Variants in CFAP299 observed in about 807,000 individuals in gnomAD.
CFAP299 encodes the protein cilia and flagella associated protein 299.
In CFAP299, 21 loss-of-function variants were observed where a neutral mutation model predicts 27.0. The observed-to-expected ratio is 0.78, with a 90% confidence interval of 0.55 to 1.12. The LOEUF (loss-of-function observed/expected upper bound fraction) is 1.12, where lower values mean the gene tolerates loss of function less well. CFAP299 is among the 50% of genes most tolerant of loss of function. CFAP299 has a pLI of 0.00. For missense variants in CFAP299, 310 were observed against 276.6 expected, an observed-to-expected ratio of 1.12 and a Z score of -0.86; for synonymous variants, 104 against 98.1, an observed-to-expected ratio of 1.06 and a Z score of -0.36.
chr4:80,736,906 A>T (rs938085792), intron 3 of CFAP299, among the ~76,000 whole-genome samples: 3 of 152,164 alleles, frequency 2.0e-5, no homozygotes, highest in African/African-American at 7.2e-5. Context: ...AAGACTTGGA[A>T]CCAACCCAAA....
At chr4:80,597,082 C>A (rs1737094680) in intron 3 of CFAP299, among the ~76,000 whole-genome samples, 1 of 151,922 alleles carries the variant, frequency 6.6e-6, no homozygotes, top group Non-Finnish European at 1.5e-5. Flanking sequence ...TGGTTATATA[C>A]CTACAAGTAA....
intron 3 of CFAP299, among the ~76,000 whole-genome samples, chr4:80,609,687 T>G (rs1292605975): frequency 1.3e-5 from 2 of 152,062 alleles, no homozygotes; most frequent in Non-Finnish European, 2.9e-5. Flanking sequence ...TATTTTTTGT[T>G]TATTTAACAT....
intron 3 of CFAP299, among the ~76,000 whole-genome samples, chr4:80,674,410 T>TC (rs1465683562): frequency 1.3e-5 from 2 of 152,228 alleles, no homozygotes; most frequent in Non-Finnish European, 2.9e-5. Flanking sequence ...CTGATGGTCT[T>TC]CCCTTTGTGG....
At chr4:80,779,830 A>G (rs537030339) in intron 3 of CFAP299, among the ~76,000 whole-genome samples, 10 of 152,210 alleles carry the variant, frequency 6.6e-5, no homozygotes, top group Middle Eastern at 3.4e-3. Context: ...ACTTATTTGT[A>G]CATAAAATGA....
At chr4:80,927,314 A>G (rs1736355728) in intron 4 of CFAP299, among the ~76,000 whole-genome samples, 1 of 152,024 alleles carries the variant, frequency 6.6e-6, no homozygotes, top group Non-Finnish European at 1.5e-5. Flanking sequence ...TTCAATATTC[A>G]AAATAAATTC....
chr4:80,620,013 G>T (rs1287040041), intron 3 of CFAP299, among the ~76,000 whole-genome samples: 1 of 152,092 alleles, frequency 6.6e-6, no homozygotes, highest in East Asian at 1.9e-4. Flanking sequence ...AGACTAAAAT[G>T]ATGTAGAATT....
intron 2 of CFAP299, among the ~76,000 whole-genome samples, chr4:80,445,717 ATTTGT>A (rs753032855): frequency 6.6e-6 from 1 of 152,148 alleles, no homozygotes; most frequent in Non-Finnish European, 1.5e-5. Flanking sequence ...TAGTTTGCTT[ATTTGT>A]TTTGAGTCAT....
chr4:80,689,395 C>A (rs1406885620), intron 3 of CFAP299, among the ~76,000 whole-genome samples: 6 of 152,142 alleles, frequency 3.9e-5, no homozygotes, highest in Non-Finnish European at 8.8e-5. Flanking sequence ...ATTCAACATT[C>A]TCAAAGAAAA....
chr4:80,470,318 GA>G (rs1442247614), intron 2 of CFAP299, among the ~76,000 whole-genome samples: 1 of 151,894 alleles, frequency 6.6e-6, no homozygotes, highest in Non-Finnish European at 1.5e-5. Flanking sequence ...ATTATTTGTT[GA>G]AAAAAATATA....
At chr4:80,340,127 T>C (rs1000062318) in intron 1 of CFAP299, among the ~76,000 whole-genome samples, 1 of 152,184 alleles carries the variant, frequency 6.6e-6, no homozygotes, top group Non-Finnish European at 1.5e-5. Flanking sequence ...AACTGAAATA[T>C]CCAAGTTTTC....
chr4:80,721,691 G>T (rs1200886859), intron 3 of CFAP299, among the ~76,000 whole-genome samples: 1 of 152,028 alleles, frequency 6.6e-6, no homozygotes, highest in African/African-American at 2.4e-5. Flanking sequence ...GTGATAAATA[G>T]AAAATTTTAA....
chr4:80,774,443 C>A (rs72866744), intron 3 of CFAP299, among the ~76,000 whole-genome samples: 8,328 of 151,888 alleles, frequency 0.055, 510 homozygotes, highest in African/African-American at 0.15. Flanking sequence ...TTTTCTGCTA[C>A]TATAAAAAAT....
At chr4:80,479,207 T>G (rs1293595905) in intron 2 of CFAP299, among the ~76,000 whole-genome samples, 1 of 152,014 alleles carries the variant, frequency 6.6e-6, no homozygotes, top group Non-Finnish European at 1.5e-5. Context: ...AAGTTAAGGT[T>G]GCTAGTTTAC....
intron 1 of CFAP299, among the ~76,000 whole-genome samples, chr4:80,355,859 A>G (rs998751741): frequency 1.3e-5 from 2 of 151,860 alleles, no homozygotes; most frequent in Non-Finnish European, 2.9e-5. Context: ...TCATTTGTCA[A>G]TTTTTGCTTT....
chr4:80,332,414 C>T (rs1164424547), upstream of CFAP299, among the ~76,000 whole-genome samples: 1 of 151,788 alleles, frequency 6.6e-6, no homozygotes, highest in Non-Finnish European at 1.5e-5. Context: ...GATAAATTAA[C>T]AACAAAGAAG....
intron 2 of CFAP299, among the ~76,000 whole-genome samples, chr4:80,371,260 C>T (rs1359895863): frequency 1.3e-5 from 2 of 152,188 alleles, no homozygotes; most frequent in African/African-American, 2.4e-5. Flanking sequence ...GGGCTTAACA[C>T]ATAAAATTGT....
chr4:80,906,675 G>T (rs1211091819), intron 4 of CFAP299, among the ~76,000 whole-genome samples: 1 of 152,144 alleles, frequency 6.6e-6, no homozygotes, highest in African/African-American at 2.4e-5. Flanking sequence ...GCCACCAAGG[G>T]TTGGGGCTTG....
chr4:80,528,289 C>T (rs887818805), intron 2 of CFAP299, among the ~76,000 whole-genome samples: 2 of 152,036 alleles, frequency 1.3e-5, no homozygotes, highest in African/African-American at 4.8e-5. Flanking sequence ...CCGAATATTT[C>T]CTACACATGC....
chr4:80,481,027 G>A (rs767618518), intron 2 of CFAP299, among the ~76,000 whole-genome samples: 5 of 151,906 alleles, frequency 3.3e-5, no homozygotes, highest in Non-Finnish European at 7.4e-5. Context: ...ATTTATCGCT[G>A]TAAGCCATTT....
Sources: allele counts gnomAD v4.1 joint callset (sites outside exome capture counted in the v4.1 genomes callset), GRCh38; gene constraint gnomAD v4.1.1; transcripts MANE v1.5; gene names NCBI Gene and HGNC (gene_info 2026-07-23, HGNC 2026-07-21).